The following MYO16 variants were observed in gnomAD, a reference collection of about 807,000 sequenced individuals.
The protein encoded by MYO16 is unconventional myosin-XVI.
MYO16 carries 94 observed loss-of-function variants against 205.3 expected under a neutral mutation model. The observed-to-expected ratio is 0.46, with a 90% CI of 0.39 to 0.54. MYO16 has a LOEUF of 0.54. MYO16 is among the 20% of genes least tolerant of loss of function. The probability of loss-of-function intolerance (pLI) is 0.00; values close to 1 mark genes in which losing one functional copy is unlikely to be tolerated. For synonymous variants in MYO16, 988 were observed against 954.0 expected (o/e 1.04, Z -0.66); for missense variants, 2,315 against 2,387.5 (o/e 0.97, Z 0.63).
At chr13:108,919,362 C>G (rs1387932567) in intron 16 of MYO16, among the ~76,000 whole-genome samples, 1 of 152,252 alleles carries the variant, frequency 6.6e-6, no homozygotes, top group African/African-American at 2.4e-5. Context: ...TTCAATTTAA[C>G]TATAAAACCT....
chr13:108,905,607 T>C (rs1035893578), intron 15 of MYO16, among the ~76,000 whole-genome samples: 3 of 152,184 alleles, frequency 2.0e-5, no homozygotes, highest in African/African-American at 4.8e-5. Context: ...TTCTGGAATA[T>C]TGATTATTGA....
intron 7 of MYO16, 51 bp from the exon 8 acceptor site, chr13:108,820,286 T>A: frequency 7.5e-7 from 1 of 1,339,930 alleles, no homozygotes; most frequent in Non-Finnish European, 1.0e-6. Flanking sequence ...TACTGATGTA[T>A]CCTAGCTTCT....
At chr13:108,835,089 T>TTG (rs35155566) in intron 9 of MYO16, among the ~76,000 whole-genome samples, 93,158 of 151,300 alleles carry the variant, frequency 0.62, 29,463 homozygotes, top group Middle Eastern at 0.72. Flanking sequence ...TTACTTAGAA[T>TTG]TTTTTTTTTC....
At chr13:109,163,730 A>C (rs1242117008) in intron 32 of MYO16, among the ~76,000 whole-genome samples, 2 of 152,152 alleles carry the variant, frequency 1.3e-5, no homozygotes, top group African/African-American at 2.4e-5. Flanking sequence ...CAGAACATAC[A>C]GGTTAAAGTT....
intron 22 of MYO16, among the ~76,000 whole-genome samples, chr13:109,010,140 A>G (rs1885544043): frequency 6.6e-6 from 1 of 152,136 alleles, no homozygotes; most frequent in African/African-American, 2.4e-5. Flanking sequence ...TGTCTAGTAC[A>G]TTTTGTTGCA....
intron 4 of MYO16, among the ~76,000 whole-genome samples, chr13:108,783,012 G>C (rs1259596030): frequency 2.0e-5 from 3 of 152,158 alleles, no homozygotes; most frequent in Non-Finnish European, 4.4e-5. Flanking sequence ...CCCCCACACA[G>C]AGTCTCTACT....
At chr13:108,807,285 G>A (rs925049124) in intron 7 of MYO16, among the ~76,000 whole-genome samples, 2 of 152,058 alleles carry the variant, frequency 1.3e-5, no homozygotes, top group Non-Finnish European at 2.9e-5. Context: ...AGATCTTTAA[G>A]AGACTAATCA....
chr13:108,588,984 CG>C, the MYO16 span, among the ~76,000 whole-genome samples: 1 of 151,770 alleles, frequency 6.6e-6, no homozygotes, highest in African/African-American at 2.4e-5. Flanking sequence ...ACATTGGAAT[CG>C]GTGTTGAATA....
intron 15 of MYO16, among the ~76,000 whole-genome samples, chr13:108,898,363 T>TGTGTGC (rs1272847107): frequency 6.1e-4 from 92 of 150,940 alleles, no homozygotes; most frequent in African/African-American, 2.0e-3. Flanking sequence ...TGTGTGTGTG[T>TGTGTGC]GTGTGTGTGT....
chr13:108,936,636 C>A (rs1882503362), intron 16 of MYO16, among the ~76,000 whole-genome samples: 1 of 151,830 alleles, frequency 6.6e-6, no homozygotes, highest in African/African-American at 2.4e-5. Context: ...GAATAGTGAT[C>A]CCTGCTTTTT....
Position 109,207,135 on chromosome 13 carries a change from C to A in MYO16, c.*299C>A, listed in dbSNP as rs1199797375. 3 of 365,508 alleles carry A rather than the reference C, an allele frequency of 8.2e-6. No individual in the cohort carries two copies. The highest frequency in any genetic ancestry group is 2.0e-5 in the African/African-American group (1 of 48,876). The allele number at this position is 365,508 out of a possible 1,614,324, so 22.6% of individuals were successfully genotyped here. The stretch of plus-strand genomic sequence containing the variant: ...GAGGCTGGGAAAAGTGTGGACGTGG[C>A]CAGAGCGAGAGAGTAGCGGAGGAAA... On this transcript the variant is annotated 3_prime_UTR_variant, in exon 35 of 35. Coordinates refer to ENST00000457511, the MANE Select transcript of MYO16 (RefSeq NM_001198950.3).
At chr13:109,130,950 CCAT>C (rs1876504855) in intron 31 of MYO16, among the ~76,000 whole-genome samples, 1 of 152,144 alleles carries the variant, frequency 6.6e-6, no homozygotes. Context: ...TAGAATTTTT[CCAT>C]CATCACCGAA....
At chr13:109,171,885 C>A (rs946724709) in intron 33 of MYO16, among the ~76,000 whole-genome samples, 3 of 152,082 alleles carry the variant, frequency 2.0e-5, no homozygotes, top group Non-Finnish European at 4.4e-5. Flanking sequence ...ATTCTGTATA[C>A]GTTGTCTATT....
chr13:108,977,869 A>G (rs920459885), intron 20 of MYO16, among the ~76,000 whole-genome samples: 20 of 152,270 alleles, frequency 1.3e-4, no homozygotes, highest in African/African-American at 4.3e-4. Flanking sequence ...CTCTATCCAT[A>G]AAACAATTCT....
At chr13:108,886,257 G>A (rs1211415926) in intron 13 of MYO16, among the ~76,000 whole-genome samples, 1 of 152,082 alleles carries the variant, frequency 6.6e-6, no homozygotes, top group Non-Finnish European at 1.5e-5. Context: ...AAAGTGCTGG[G>A]ATTACAGGCG....
At chr13:108,611,972 CTT>C (rs201871787) in intron 1 of MYO16, among the ~76,000 whole-genome samples, 1 of 89,776 alleles carries the variant, frequency 1.1e-5, no homozygotes. Flanking sequence ...TTTTTTTTTT[CTT>C]TTTTTTTTTT....
chr13:109,099,381 AT>A (rs1300855571), intron 27 of MYO16, among the ~76,000 whole-genome samples: 1 of 152,232 alleles, frequency 6.6e-6, no homozygotes, highest in East Asian at 1.9e-4. Flanking sequence ...GCATAACCAC[AT>A]TTATTTAAGA....
At chr13:108,977,992 C>G (rs928596191) in intron 20 of MYO16, among the ~76,000 whole-genome samples, 1 of 151,836 alleles carries the variant, frequency 6.6e-6, no homozygotes, top group African/African-American at 2.4e-5. Context: ...TATTGTATTC[C>G]TTAAATAATA....
At chr13:109,112,115 G>GAA (rs1889306339) in intron 28 of MYO16, among the ~76,000 whole-genome samples, 1 of 152,152 alleles carries the variant, frequency 6.6e-6, no homozygotes, top group Non-Finnish European at 1.5e-5. Context: ...GGTTCACATT[G>GAA]GTTTTCTGCT....
Sources: gnomAD v4.1 joint callset for allele counts (sites outside exome capture counted in the v4.1 genomes callset) on GRCh38, gnomAD v4.1.1 for gene constraint, MANE v1.5 for transcripts, NCBI Gene and HGNC (gene_info 2026-07-23, HGNC 2026-07-21) for gene names.